CLSTN2: variants seen among roughly 807,000 people sequenced by gnomAD.
CLSTN2 encodes calsyntenin-2.
Under a neutral mutation model 101.2 loss-of-function variants are expected in CLSTN2, and 48 were observed. The observed-to-expected ratio is 0.47, with a 90% CI of 0.38 to 0.60. The LOEUF is 0.60. CLSTN2 is among the 20% of genes least tolerant of loss of function. CLSTN2 has a pLI of 0.00. For synonymous variants in CLSTN2, 481 were observed against 463.6 expected (o/e 1.04, Z -0.48); for missense variants, 1,160 against 1,238.2 (o/e 0.94, Z 0.95).
intron 2 of CLSTN2, among the ~76,000 whole-genome samples, chr3:140,301,500 G>A (rs976824193): frequency 2.0e-5 from 3 of 152,164 alleles, no homozygotes; most frequent in African/African-American, 4.8e-5. Flanking sequence ...GCTCTGTGGC[G>A]AGATTATATT....
intron 2 of CLSTN2, among the ~76,000 whole-genome samples, chr3:140,216,115 G>A (rs1441316400): frequency 6.6e-6 from 1 of 152,176 alleles, no homozygotes; most frequent in African/African-American, 2.4e-5. Context: ...GAACCCTATT[G>A]TGAACCGTGC....
chr3:139,986,718 T>G (rs1936027150), intron 1 of CLSTN2, among the ~76,000 whole-genome samples: 1 of 152,196 alleles, frequency 6.6e-6, no homozygotes, highest in African/African-American at 2.4e-5. Context: ...TGCTCAGCAA[T>G]GCCATTAGCT....
intron 1 of CLSTN2, among the ~76,000 whole-genome samples, chr3:139,976,861 G>T (rs1935827510): frequency 6.6e-6 from 1 of 152,118 alleles, no homozygotes; most frequent in South Asian, 2.1e-4. Flanking sequence ...CATGTGTGTT[G>T]GCAAGAGACC....
At chr3:140,528,860 G>T (rs17415160) in intron 8 of CLSTN2, among the ~76,000 whole-genome samples, 1,724 of 152,276 alleles carry the variant, frequency 0.011, 15 homozygotes, top group Middle Eastern at 0.02. Flanking sequence ...TGAAGATTTT[G>T]TGTACTTGAT....
At chr3:140,403,155 A>G (rs1241111249) in intron 2 of CLSTN2, among the ~76,000 whole-genome samples, 1 of 152,218 alleles carries the variant, frequency 6.6e-6, no homozygotes, top group Non-Finnish European at 1.5e-5. Flanking sequence ...TCAGCTCTTT[A>G]AGATGTTAGC....
intron 2 of CLSTN2, among the ~76,000 whole-genome samples, chr3:140,291,427 C>A (rs1193601737): frequency 6.6e-6 from 1 of 151,818 alleles, no homozygotes; most frequent in African/African-American, 2.4e-5. Flanking sequence ...CCTCTCCCAT[C>A]ACTCAGCAAT....
At chr3:140,485,671 C>G (rs1201057217) in intron 8 of CLSTN2, among the ~76,000 whole-genome samples, 2 of 152,198 alleles carry the variant, frequency 1.3e-5, no homozygotes, top group Non-Finnish European at 2.9e-5. Flanking sequence ...ACCCCTCCCC[C>G]AGCCTCACTG....
intron 1 of CLSTN2, among the ~76,000 whole-genome samples, chr3:140,142,154 A>G (rs371281132): frequency 1.3e-5 from 2 of 152,142 alleles, no homozygotes; most frequent in African/African-American, 4.8e-5. Context: ...CACATTCTTC[A>G]TTAAACTTTG....
chr3:140,029,114 T>C (rs16849709), intron 1 of CLSTN2, among the ~76,000 whole-genome samples: 1 of 152,118 alleles, frequency 6.6e-6, no homozygotes. Flanking sequence ...CTGATGTGCC[T>C]TCTTAAAATT....
intron 8 of CLSTN2, among the ~76,000 whole-genome samples, chr3:140,530,749 CTGGTTGGTTCT>C (rs1386435506): frequency 1.3e-5 from 2 of 152,210 alleles, no homozygotes; most frequent in Non-Finnish European, 2.9e-5. Flanking sequence ...CAAGTGCTGT[CTGGTTGGTTCT>C]TGGCACTCTA....
intron 2 of CLSTN2, among the ~76,000 whole-genome samples, chr3:140,226,663 C>T (rs1054435802): frequency 2.6e-5 from 4 of 152,078 alleles, no homozygotes; most frequent in African/African-American, 9.7e-5. Flanking sequence ...CTAAACTATG[C>T]AGTGCTGGTG....
At chr3:140,395,601 A>G (rs1184745971) in intron 2 of CLSTN2, among the ~76,000 whole-genome samples, 2 of 152,180 alleles carry the variant, frequency 1.3e-5, no homozygotes, top group Non-Finnish European at 2.9e-5. Context: ...TTAGCTTTCT[A>G]CTTTTGAAGA....
intron 2 of CLSTN2, among the ~76,000 whole-genome samples, chr3:140,269,135 T>C (rs6439912): frequency 0.17 from 25,246 of 152,118 alleles, 4,699 homozygotes; most frequent in African/African-American, 0.46. Context: ...ACTGAGAGAC[T>C]CCTTGTTTTC....
chr3:140,478,291 T>A (rs569306737), intron 8 of CLSTN2, among the ~76,000 whole-genome samples: 1 of 148,538 alleles, frequency 6.7e-6, no homozygotes, highest in African/African-American at 2.5e-5. Flanking sequence ...CTACAAGCAC[T>A]ATTTCAGCTA....
intron 8 of CLSTN2, among the ~76,000 whole-genome samples, chr3:140,516,778 T>A (rs1934926256): frequency 6.6e-6 from 1 of 152,196 alleles, no homozygotes; most frequent in Non-Finnish European, 1.5e-5. Flanking sequence ...TTCTTAGTCA[T>A]CAAGTTATCT....
At chr3:140,285,771 G>A (rs1354268884) in intron 2 of CLSTN2, among the ~76,000 whole-genome samples, 7 of 152,182 alleles carry the variant, frequency 4.6e-5, no homozygotes, top group Admixed American at 4.6e-4. Flanking sequence ...GTGGGCCAGA[G>A]GATATAAGTT....
At chr3:140,006,892 G>A (rs544982729) in intron 1 of CLSTN2, among the ~76,000 whole-genome samples, 1 of 152,018 alleles carries the variant, frequency 6.6e-6, no homozygotes, top group Admixed American at 6.5e-5. Context: ...ATTTAAGGAG[G>A]CACCAAAAGA....
In CLSTN2 at chr3:140,478,870, AGG is replaced by A. The variant is rs1257042858; in HGVS notation, c.1344+12140_1344+12141del. ...GAAGAAAGGAAGGAAGGAAGGGGGAAGGAGGAAGGAAGGAAGGAAGGAAGGAA... is the reference window on the plus strand; with the variant it reads ...GAAGAAAGGAAGGAAGGAAGGGGGAAAGGAAGGAAGGAAGGAAGGAAGGAA... On this transcript the variant is annotated intron_variant, in intron 8 of 16. Coordinates refer to ENST00000458420, the MANE Select transcript of CLSTN2 (RefSeq NM_022131.3). 6.4e-5 allele frequency among the ~76,000 whole-genome samples: 5 copies of A among 78,668 alleles called. No individual in the cohort carries two copies. In the East Asian group the frequency reaches 2.3e-3, roughly 35 times the overall value. The allele number at this position is 78,668 out of a possible 152,430, so 51.6% of individuals were successfully genotyped here. A position where few individuals can be genotyped will look rare whatever the true frequency, so the allele number is the denominator to read the frequency against.
At chr3:139,968,876 A>T (rs917258286) in intron 1 of CLSTN2, among the ~76,000 whole-genome samples, 3 of 152,250 alleles carry the variant, frequency 2.0e-5, no homozygotes, top group Non-Finnish European at 4.4e-5. Context: ...CGCCAGCAAC[A>T]GTAGAAGACA....
Sources: gnomAD v4.1 joint callset for allele counts (sites outside exome capture counted in the v4.1 genomes callset) on GRCh38, gnomAD v4.1.1 for gene constraint, MANE v1.5 for transcripts, NCBI Gene and HGNC (gene_info 2026-07-23, HGNC 2026-07-21) for gene names.